Variants in CAPZA2 observed in about 807,000 individuals in gnomAD.
CAPZA2 encodes the protein capping actin protein of muscle Z-line subunit alpha 2.
A neutral mutation model predicts 44.0 loss-of-function variants in CAPZA2; 13 were observed. The ratio of observed to expected loss-of-function variants is 0.30; its 90% CI spans 0.19 to 0.47. The LOEUF (loss-of-function observed/expected upper bound fraction) is 0.47. CAPZA2 is among the 20% of genes least tolerant of loss of function. The pLI, the probability that CAPZA2 is intolerant of heterozygous loss-of-function variation, is 1.00. For missense variants in CAPZA2, 244 were observed against 338.6 expected (o/e 0.72, Z 2.19); for synonymous variants, 94 against 108.2 (o/e 0.87, Z 0.81).
At chr7:116,917,319 A>T (rs925450469) in intron 9 of CAPZA2, among the ~76,000 whole-genome samples, 1 of 152,112 alleles carries the variant, frequency 6.6e-6, no homozygotes, top group Non-Finnish European at 1.5e-5. Flanking sequence ...CAGTGGCGCG[A>T]TCTCGCCTCA....
chr7:116,885,248 A>C (rs1796747827), intron 1 of CAPZA2, among the ~76,000 whole-genome samples: 1 of 149,484 alleles, frequency 6.7e-6, no homozygotes, highest in African/African-American at 2.5e-5. Flanking sequence ...CCAGCTCACT[A>C]GTTTTTTTTT....
intron 1 of CAPZA2, among the ~76,000 whole-genome samples, chr7:116,869,254 A>G (rs1194401209): frequency 1.3e-5 from 2 of 152,260 alleles, no homozygotes; most frequent in Non-Finnish European, 1.5e-5. Flanking sequence ...GACAGGTTCC[A>G]TGAAAATACC....
intron 3 of CAPZA2, among the ~76,000 whole-genome samples, chr7:116,893,590 A>G (rs1796880314): frequency 6.6e-6 from 1 of 152,238 alleles, no homozygotes; most frequent in Non-Finnish European, 1.5e-5. Context: ...CTGTGTGTCT[A>G]GCGGTGCCTT....
Position 116,893,000 on chromosome 7 carries a change from G to A in CAPZA2, c.110G>A (p.Arg37Gln), listed in dbSNP as rs1426282365. Residue 37 changes from arginine to glutamine, a missense_variant, in exon 3 of 10, where the codon CGG becomes CAG. Coordinates refer to ENST00000361183, the MANE Select transcript of CAPZA2 (RefSeq NM_006136.3). Reference protein sequence around the residue: ...GEFNEVFNDVRLLLNNDNLLR... With the variant: ...GEFNEVFNDVQLLLNNDNLLR... Reference sequence around the variant, plus strand: ...TAACATAATTGTTTTGCAGATGTTCGGTTACTGCTTAATAATGACAATCTT... The same window carrying A: ...TAACATAATTGTTTTGCAGATGTTCAGTTACTGCTTAATAATGACAATCTT... 5 of 1,591,216 alleles carry A rather than the reference G, an allele frequency of 3.1e-6. No homozygotes were observed. The highest frequency in any genetic ancestry group is 2.3e-5 in the East Asian group (1 of 44,266).
intron 1 of CAPZA2, chr7:116,874,522 A>G (rs905349395): frequency 6.6e-6 from 1 of 152,262 alleles, no homozygotes; most frequent in Non-Finnish European, 1.5e-5. Flanking sequence ...TGAGGGCATC[A>G]GTGTCTCTGT....
At position 116,862,647 on chromosome 7, in the gene CAPZA2, G is replaced by A. The variant is rs1448373203; in HGVS notation, c.36G>A (p.Glu12=). The change falls in exon 1 of 10, where the codon GAG becomes GAA. Residue 12 remains glutamate, a synonymous_variant. Transcript: ENST00000361183. The part of the protein sequence containing the change: ...ADLEEQLSDE[E]KVRIAAKFII... ...TGGAGGAGCAGTTGTCTGATGAAGA[G>A]AAGGTAAGAGTCGCGGGGGCGACGG... The A allele has an allele frequency of 2.6e-6, 4 of 1,540,552 alleles. No individual in the cohort carries two copies. In the African/African-American group the frequency reaches 4.2e-5, roughly 16 times the overall value.
At chr7:116,911,123 A>G (rs568108962) in intron 7 of CAPZA2, among the ~76,000 whole-genome samples, 1 of 152,056 alleles carries the variant, frequency 6.6e-6, no homozygotes, top group Admixed American at 6.6e-5. Context: ...TTCTTCCTTC[A>G]CTTAGGCCTC....
At chr7:116,912,976 AGT>A (rs1366079181) in intron 8 of CAPZA2, among the ~76,000 whole-genome samples, 1 of 152,150 alleles carries the variant, frequency 6.6e-6, no homozygotes, top group African/African-American at 2.4e-5. Flanking sequence ...TAGCCATCCT[AGT>A]CAGTATGAAG....
At chr7:116,881,218 A>G (rs537341748) in intron 1 of CAPZA2, among the ~76,000 whole-genome samples, 1 of 152,280 alleles carries the variant, frequency 6.6e-6, no homozygotes, top group Admixed American at 6.5e-5. Flanking sequence ...GATGACTGCT[A>G]ACTTCTTTTT....
intron 1 of CAPZA2, among the ~76,000 whole-genome samples, chr7:116,863,210 CT>C (rs1251402558): frequency 6.6e-6 from 1 of 152,092 alleles, no homozygotes; most frequent in Non-Finnish European, 1.5e-5. Context: ...ACGGTTTATC[CT>C]TTTTTTTCCC....
At chr7:116,916,624 CAA>C (rs375229154) in intron 9 of CAPZA2, among the ~76,000 whole-genome samples, 1 of 134,028 alleles carries the variant, frequency 7.5e-6, no homozygotes, top group Admixed American at 7.5e-5. Flanking sequence ...GACTCCGTCT[CAA>C]AAAAAAAAAA....
At chr7:116,906,404 C>T in intron 6 of CAPZA2, 62 bp downstream of exon 6, 1 of 1,575,694 alleles carries the variant, frequency 6.3e-7, no homozygotes, top group Non-Finnish European at 8.6e-7. Flanking sequence ...GTAGTTCTTG[C>T]TTTAGTGATT....
intron 2 of CAPZA2, among the ~76,000 whole-genome samples, chr7:116,892,749 C>T (rs1265617519): frequency 6.6e-6 from 1 of 151,674 alleles, no homozygotes; most frequent in Non-Finnish European, 1.5e-5. Context: ...AGTCTGCCTG[C>T]ATTGACTGTT....
intron 5 of CAPZA2, 97 bp from the exon 6 acceptor site, chr7:116,906,166 C>T: frequency 6.7e-7 from 1 of 1,492,956 alleles, no homozygotes; most frequent in Non-Finnish European, 8.9e-7. Context: ...GTGTTCTTGT[C>T]AAAGTACTGT....
chr7:116,889,059 C>T lies in CAPZA2; in HGVS notation c.103+869C>T, dbSNP rs1016941229. Among the ~76,000 whole-genome samples the T allele has an allele frequency of 2.0e-5, 3 of 152,294 alleles. No homozygotes were observed. The South Asian group carries it at 6.2e-4, about 32-fold the overall frequency. On this transcript the variant is annotated intron_variant, in intron 2 of 9. Transcript: ENST00000361183. Reference sequence around the variant, plus strand: ...GTAAATCACTTCACAGTATGCGTTCCTTTAAACTTCACTGGCAGACGTTTT... The same window carrying T: ...GTAAATCACTTCACAGTATGCGTTCTTTTAAACTTCACTGGCAGACGTTTT...
chr7:116,883,448 TC>T (rs1796724556), intron 1 of CAPZA2, among the ~76,000 whole-genome samples: 1 of 152,216 alleles, frequency 6.6e-6, no homozygotes. Flanking sequence ...AGACATCCTT[TC>T]TTTTGTCTAG....
chr7:116,888,051 A>G lies in CAPZA2; in HGVS notation c.40-76A>G. 3.0e-6 allele frequency: 3 copies of G among 1,014,132 alleles called. No individual in the cohort carries two copies. The South Asian group carries it at 4.1e-5, about 14-fold the overall frequency. 62.8% of individuals were successfully genotyped at this position (1,014,132 alleles called of 1,614,324 possible). ...ATTTTCAGTAGAGCTTTGAAATAATATAATTTTGCATGTTTTGTGCTTATT... is the reference window on the plus strand; with the variant it reads ...ATTTTCAGTAGAGCTTTGAAATAATGTAATTTTGCATGTTTTGTGCTTATT... On this transcript the variant is annotated intron_variant, in intron 1 of 9. Coordinates refer to ENST00000361183, the MANE Select transcript of CAPZA2 (RefSeq NM_006136.3).
rs929459787 is a variant in CAPZA2 at position 116,918,052 on chromosome 7, A to C, written c.*185A>C. On this transcript the variant is annotated 3_prime_UTR_variant, in exon 10 of 10. Coordinates refer to ENST00000361183, the MANE Select transcript of CAPZA2 (RefSeq NM_006136.3). ...CATTATTTTTCATTTTGTTTGTTCTAAGAGGATTGAAAATCAGTTTAGTTT... is the reference window on the plus strand; with the variant it reads ...CATTATTTTTCATTTTGTTTGTTCTCAGAGGATTGAAAATCAGTTTAGTTT... The C allele has an allele frequency of 4.1e-5, 21 of 506,178 alleles. No homozygotes were observed. The highest frequency in any genetic ancestry group is 5.1e-4 in the Middle Eastern group (1 of 1,966). 31.4% of individuals were successfully genotyped at this position (506,178 alleles called of 1,614,324 possible). A position where few individuals can be genotyped will look rare whatever the true frequency, so the allele number is the denominator to read the frequency against.
chr7:116,883,086 A>G (rs140403512), intron 1 of CAPZA2, among the ~76,000 whole-genome samples: 128 of 152,336 alleles, frequency 8.4e-4, no homozygotes, highest in Non-Finnish European at 1.6e-4. Flanking sequence ...TGGATAAGGA[A>G]AAAAAACATT....
Sources: gnomAD v4.1 joint callset for allele counts (sites outside exome capture counted in the v4.1 genomes callset) on GRCh38, gnomAD v4.1.1 for gene constraint, MANE v1.5 for transcripts, NCBI Gene and HGNC (gene_info 2026-07-23, HGNC 2026-07-21) for gene names.